Variants in NIPBL observed in about 807,000 individuals in gnomAD.
The protein encoded by NIPBL is nipped-B-like protein.
A neutral mutation model predicts 321.8 loss-of-function variants in NIPBL; 19 were observed. The ratio of observed to expected loss-of-function variants is 0.06; its 90% CI spans 0.04 to 0.09. The LOEUF (loss-of-function observed/expected upper bound fraction) is 0.09. Ranked by LOEUF, NIPBL falls within the 10% of genes least tolerant of loss-of-function variation. NIPBL has a pLI of 1.00. For missense variants in NIPBL, 2,210 were observed against 3,327.0 expected (o/e 0.66, Z 8.26); for synonymous variants, 1,106 against 1,114.1 (o/e 0.99, Z 0.14).
At position 37,045,571 on chromosome 5, in the gene NIPBL, C is replaced by A. The variant is rs1004754879; in HGVS notation, c.6472C>A (p.Leu2158Met). The A allele has an allele frequency of 1.9e-6, 3 of 1,614,000 alleles. No individual in the cohort carries two copies. The highest frequency in any genetic ancestry group is 2.5e-6 in the Non-Finnish European group (3 of 1,179,982). ...GALCRHFDFD[L>M]EDFKGNSKVN... ...ACTATGTCGGCATTTTGATTTTGAT[C>A]TGGAAGATTTTAAAGGCAACAGCAA... Residue 2158 changes from leucine (L) to methionine (M), a missense_variant, in exon 37 of 47, where the codon CTG becomes ATG. Leu to Met is a conservative substitution (Grantham distance 15). Transcript: ENST00000282516.
intron 1 of NIPBL, among the ~76,000 whole-genome samples, chr5:36,943,433 G>A (rs1289450490): frequency 1.3e-5 from 2 of 152,026 alleles, no homozygotes; most frequent in African/African-American, 4.8e-5. Flanking sequence ...AGATCATAAT[G>A]CTCAATATGG....
intron 6 of NIPBL, among the ~76,000 whole-genome samples, chr5:36,966,207 T>C (rs1288129544): frequency 6.6e-6 from 1 of 152,114 alleles, no homozygotes; most frequent in Non-Finnish European, 1.5e-5. Flanking sequence ...ACATCTCTTA[T>C]GGAGGCTCTT....
intron 1 of NIPBL, among the ~76,000 whole-genome samples, chr5:36,934,109 A>C (rs1049795531): frequency 6.6e-6 from 1 of 152,124 alleles, no homozygotes; most frequent in African/African-American, 2.4e-5. Context: ...CTTGCTCAGC[A>C]TCCAGATTTC....
chr5:36,902,675 G>A (rs555186306), intron 1 of NIPBL, among the ~76,000 whole-genome samples: 1 of 152,200 alleles, frequency 6.6e-6, no homozygotes, highest in Non-Finnish European at 1.5e-5. Flanking sequence ...GTTGGATGGT[G>A]TGATGCCTCT....
At chr5:37,046,988 T>C (rs563312304) in intron 38 of NIPBL, among the ~76,000 whole-genome samples, 6 of 152,042 alleles carry the variant, frequency 3.9e-5, no homozygotes, top group Non-Finnish European at 8.8e-5. Flanking sequence ...GAAAAAAAAA[T>C]TACACCTGTA....
At chr5:36,936,622 T>C (rs1738460849) in intron 1 of NIPBL, among the ~76,000 whole-genome samples, 1 of 152,088 alleles carries the variant, frequency 6.6e-6, no homozygotes, top group Non-Finnish European at 1.5e-5. Flanking sequence ...GTCAAAGTTA[T>C]ATTAGGAGGA....
At position 36,938,328 on chromosome 5, in the gene NIPBL, C is replaced by T. The variant is rs568793613; in HGVS notation, c.-79-15290C>T. On this transcript the variant is annotated intron_variant, in intron 1 of 46. Coordinates refer to ENST00000282516, the MANE Select transcript of NIPBL (RefSeq NM_133433.4). ...CTTAAATGGTTCAGGGAGGCACACA[C>T]CACACACACACACACACCCCCGACC... is the stretch of plus-strand genomic sequence containing the variant. 3.3e-5 allele frequency among the ~76,000 whole-genome samples: 5 copies of T among 150,468 alleles called. No individual in the cohort carries two copies. The South Asian group carries it at 1.1e-3, about 32-fold the overall frequency.
intron 21 of NIPBL, among the ~76,000 whole-genome samples, chr5:37,012,612 C>CG (rs1370528634): frequency 6.6e-6 from 1 of 152,004 alleles, no homozygotes; most frequent in Admixed American, 6.6e-5. Context: ...TGCGGCCTTC[C>CG]GGCCTTCCGC....
intron 6 of NIPBL, among the ~76,000 whole-genome samples, chr5:36,967,354 A>G (rs989572602): frequency 1.3e-5 from 2 of 152,162 alleles, no homozygotes; most frequent in African/African-American, 4.8e-5. Context: ...ATAATTTAAA[A>G]TTCATATACC....
chr5:36,947,580 T>G (rs1294908672), intron 1 of NIPBL, among the ~76,000 whole-genome samples: 1 of 152,084 alleles, frequency 6.6e-6, no homozygotes, highest in South Asian at 2.1e-4. Flanking sequence ...TATTAGTCTT[T>G]AGCACCTAGC....
chr5:36,994,451 C>T (rs1402740460), intron 10 of NIPBL, among the ~76,000 whole-genome samples: 1 of 151,982 alleles, frequency 6.6e-6, no homozygotes, highest in Non-Finnish European at 1.5e-5. Flanking sequence ...TTGATTGTAT[C>T]GTCTTAATAT....
In NIPBL at chr5:37,045,528, C is replaced by G; in HGVS notation, c.6429C>G (p.Ser2143=). The G allele has an allele frequency of 6.2e-7, 1 of 1,613,934 alleles. No homozygotes were observed. Among genetic ancestry groups the G allele is most frequent in the South Asian group, 1.1e-5 (1 of 91,068 alleles). ...LLTNKPALLR[S]LFTVGALCRH... The stretch of plus-strand genomic sequence containing the variant: ...CAAACAAACCAGCACTTCTTAGATC[C>G]CTTTTCACCGTTGGAGCACTATGTC... The change falls in exon 37 of 47, where the codon TCC becomes TCG. Residue 2143 remains serine (S), a synonymous_variant. Coordinates refer to ENST00000282516, the MANE Select transcript of NIPBL (RefSeq NM_133433.4).
chr5:36,941,729 G>A (rs1739083140), intron 1 of NIPBL, among the ~76,000 whole-genome samples: 2 of 151,732 alleles, frequency 1.3e-5, no homozygotes, highest in South Asian at 2.1e-4. Flanking sequence ...GTTTACTTTT[G>A]TGGAACTCTA....
chr5:36,897,203 T>A (rs1264567760), intron 1 of NIPBL, among the ~76,000 whole-genome samples: 1 of 151,652 alleles, frequency 6.6e-6, no homozygotes, highest in Non-Finnish European at 1.5e-5. Flanking sequence ...GGGGTTTCAC[T>A]ATGTTGGCCA....
At chr5:37,010,459 G>A (rs1747985245) in intron 21 of NIPBL, among the ~76,000 whole-genome samples, 1 of 152,106 alleles carries the variant, frequency 6.6e-6, no homozygotes, top group Non-Finnish European at 1.5e-5. Flanking sequence ...GGGATTACAG[G>A]CACGCACCAC....
At chr5:36,913,778 A>G (rs2149548901) in intron 1 of NIPBL, among the ~76,000 whole-genome samples, 1 of 152,336 alleles carries the variant, frequency 6.6e-6, no homozygotes, top group South Asian at 2.1e-4. Context: ...GAAATTGTTA[A>G]GACAAAAATC....
intron 1 of NIPBL, among the ~76,000 whole-genome samples, chr5:36,929,938 G>A (rs906038102): frequency 2.0e-5 from 3 of 151,878 alleles, no homozygotes; most frequent in Non-Finnish European, 2.9e-5. Context: ...TGATCAATCC[G>A]TATACCTGTC....
intron 17 of NIPBL, 61 bp from the exon 18 acceptor site, chr5:37,007,262 C>CT (rs1345075469): frequency 7.7e-6 from 11 of 1,427,428 alleles, no homozygotes; most frequent in Non-Finnish European, 1.1e-5. Context: ...AGTTTGAGTA[C>CT]TGTTTATTAA....
intron 4 of NIPBL, among the ~76,000 whole-genome samples, chr5:36,958,673 A>G (rs1272013385): frequency 6.6e-6 from 1 of 152,104 alleles, no homozygotes; most frequent in African/African-American, 2.4e-5. Flanking sequence ...AAAATTGGTT[A>G]AGTATTATTA....
Sources: allele counts gnomAD v4.1 joint callset (sites outside exome capture counted in the v4.1 genomes callset), GRCh38; gene constraint gnomAD v4.1.1; transcripts MANE v1.5; gene names NCBI Gene and HGNC (gene_info 2026-07-23, HGNC 2026-07-21).